Variants in GRID2 observed in about 807,000 individuals in gnomAD.
The protein encoded by GRID2 is glutamate receptor ionotropic, delta-2.
In GRID2, 33 loss-of-function variants were observed where a neutral mutation model predicts 114.8. That is an observed-to-expected ratio of 0.29 (90% CI 0.22 to 0.38). The LOEUF (loss-of-function observed/expected upper bound fraction) is 0.38, where lower values mean the gene tolerates loss of function less well. GRID2 is among the 10% of genes least tolerant of loss of function. The probability of loss-of-function intolerance (pLI) is 1.00; values close to 1 mark genes in which losing one functional copy is unlikely to be tolerated. For synonymous variants in GRID2, 505 were observed against 449.9 expected (o/e 1.12, Z -1.55); for missense variants, 1,184 against 1,257.7 (o/e 0.94, Z 0.89).
In GRID2 at chr4:92,398,571, T is replaced by A. The variant is rs117104787; in HGVS notation, c.88+93827T>A. On this transcript the variant is annotated intron_variant, in intron 1 of 15. Coordinates refer to ENST00000282020, the MANE Select transcript of GRID2 (RefSeq NM_001510.4). ...GCCTCGGCCTTGCAAAGTGCTGGGA[T>A]TACAGGCATGAGCCACTGCTCCCAA... Among the ~76,000 whole-genome samples, 14 of 152,314 alleles carry A rather than the reference T, an allele frequency of 9.2e-5. No homozygotes were observed. In the East Asian group the frequency reaches 2.7e-3, roughly 29 times the overall value.
chr4:92,395,119 G>T (rs1730429610), intron 1 of GRID2, among the ~76,000 whole-genome samples: 1 of 151,464 alleles, frequency 6.6e-6, no homozygotes, highest in Non-Finnish European at 1.5e-5. Context: ...AATATTTTGT[G>T]TAGAATATAG....
At chr4:93,688,338 T>C (rs1424410660) in intron 14 of GRID2, among the ~76,000 whole-genome samples, 2 of 151,978 alleles carry the variant, frequency 1.3e-5, no homozygotes, top group African/African-American at 2.4e-5. Context: ...GTTCCTGTTA[T>C]AGCCTCACTG....
intron 4 of GRID2, among the ~76,000 whole-genome samples, chr4:93,131,145 A>ATTTTTTTTTTTTTTTTTTTTT (rs34215461): frequency 3.5e-4 from 31 of 88,744 alleles, no homozygotes; most frequent in African/African-American, 5.8e-4. Flanking sequence ...AGATTAAATA[A>ATTTTTTTTTTTTTTTTTTTTT]TTTTTTTTTT....
chr4:93,568,449 C>G (rs1735636377), intron 13 of GRID2, among the ~76,000 whole-genome samples: 1 of 152,044 alleles, frequency 6.6e-6, no homozygotes, highest in Non-Finnish European at 1.5e-5. Flanking sequence ...TCTAAAGATT[C>G]TAAAATGCAT....
chr4:92,449,439 T>C (rs1326743682), intron 1 of GRID2, among the ~76,000 whole-genome samples: 1 of 151,762 alleles, frequency 6.6e-6, no homozygotes, highest in Non-Finnish European at 1.5e-5. Flanking sequence ...ATTATTGTAT[T>C]AGTGGAGATG....
chr4:92,554,339 G>T (rs1726747453), intron 1 of GRID2, among the ~76,000 whole-genome samples: 1 of 152,140 alleles, frequency 6.6e-6, no homozygotes, highest in Admixed American at 6.6e-5. Flanking sequence ...CTGTTATAAA[G>T]TAATAATTAT....
intron 1 of GRID2, among the ~76,000 whole-genome samples, chr4:92,355,900 A>G (rs1290413001): frequency 6.6e-6 from 1 of 151,818 alleles, no homozygotes; most frequent in Non-Finnish European, 1.5e-5. Flanking sequence ...GCCAGACAGT[A>G]AAATTTTTGT....
At chr4:93,712,043 G>A (rs1212628877) in intron 14 of GRID2, among the ~76,000 whole-genome samples, 1 of 152,018 alleles carries the variant, frequency 6.6e-6, no homozygotes, top group African/African-American at 2.4e-5. Flanking sequence ...TTAGGGATAA[G>A]ATTCCTTTGT....
At chr4:93,722,512 C>T (rs1729473601) in intron 14 of GRID2, among the ~76,000 whole-genome samples, 1 of 152,166 alleles carries the variant, frequency 6.6e-6, no homozygotes, top group Non-Finnish European at 1.5e-5. Flanking sequence ...TCATACTCTT[C>T]ACACCTTCTA....
intron 2 of GRID2, among the ~76,000 whole-genome samples, chr4:92,611,873 C>T (rs62307883): frequency 0.047 from 7,119 of 151,130 alleles, 207 homozygotes; most frequent in East Asian, 0.094. Flanking sequence ...TTGAAGTATT[C>T]CTTTATAATC....
intron 8 of GRID2, among the ~76,000 whole-genome samples, chr4:93,382,538 C>T (rs760995589): frequency 2.0e-5 from 3 of 151,822 alleles, no homozygotes; most frequent in Non-Finnish European, 4.4e-5. Flanking sequence ...AAATTTTTTT[C>T]ATTTCACTTG....
chr4:93,514,457 A>G (rs1729499151), intron 12 of GRID2, among the ~76,000 whole-genome samples: 1 of 151,572 alleles, frequency 6.6e-6, no homozygotes, highest in Non-Finnish European at 1.5e-5. Flanking sequence ...ACACACACAC[A>G]CACAATGCTA....
chr4:93,265,247 CTGTTTTAAAACCAAAAAA>C (rs1205799411), intron 8 of GRID2, among the ~76,000 whole-genome samples: 2 of 152,076 alleles, frequency 1.3e-5, no homozygotes, highest in East Asian at 3.9e-4. Context: ...CATAAAAAAT[CTGTTTTAAAACCAAAAAA>C]TGTTTTAAAA....
intron 2 of GRID2, among the ~76,000 whole-genome samples, chr4:92,885,498 T>C (rs150206289): frequency 1.6e-4 from 25 of 152,306 alleles, no homozygotes; most frequent in African/African-American, 6.0e-4. Flanking sequence ...GCTTAGCATT[T>C]TTTGTGAGGA....
intron 2 of GRID2, among the ~76,000 whole-genome samples, chr4:92,635,610 A>G (rs1731030263): frequency 6.6e-6 from 1 of 152,032 alleles, no homozygotes; most frequent in African/African-American, 2.4e-5. Flanking sequence ...CTATACCTTT[A>G]GGAAAGAAAA....
chr4:92,990,568 G>C (rs1433625005), intron 2 of GRID2, among the ~76,000 whole-genome samples: 1 of 151,924 alleles, frequency 6.6e-6, no homozygotes, highest in Non-Finnish European at 1.5e-5. Context: ...ACCCGCCTCA[G>C]CTTCCCAAAG....
Position 92,698,142 on chromosome 4 carries a change from T to C in GRID2, c.244+107856T>C, listed in dbSNP as rs143534686. On this transcript the variant is annotated intron_variant, in intron 2 of 15. Transcript: ENST00000282020. ...GTGACTTTGCTTAGTTTGGTTGTCT[T>C]TCTGTCTAAATGCTGCCTAAGATCC... is the stretch of plus-strand genomic sequence containing the variant. 9.7e-4 allele frequency among the ~76,000 whole-genome samples: 148 copies of C among 152,258 alleles called. 1 individual carries two copies. The highest frequency in any genetic ancestry group is 3.5e-3 in the African/African-American group (147 of 41,568).
chr4:92,643,109 AAT>A (rs1731441522), intron 2 of GRID2, among the ~76,000 whole-genome samples: 1 of 151,520 alleles, frequency 6.6e-6, no homozygotes, highest in Admixed American at 6.6e-5. Context: ...TGAATTTTAG[AAT>A]AGTTTTATTT....
intron 1 of GRID2, among the ~76,000 whole-genome samples, chr4:92,482,031 T>TAA (rs1560660621): frequency 1.2e-4 from 7 of 57,848 alleles, no homozygotes; most frequent in African/African-American, 4.9e-4. Context: ...TATATATATA[T>TAA]ATAAAATAAC....
Sources: allele counts gnomAD v4.1 joint callset (sites outside exome capture counted in the v4.1 genomes callset), GRCh38; gene constraint gnomAD v4.1.1; transcripts MANE v1.5; gene names NCBI Gene and HGNC (gene_info 2026-07-23, HGNC 2026-07-21).